The following EXOC2 variants were observed in gnomAD, a reference collection of about 807,000 sequenced individuals.
EXOC2 encodes exocyst complex component 2.
EXOC2 carries 70 observed loss-of-function variants against 131.8 expected under a neutral mutation model. The ratio of observed to expected loss-of-function variants is 0.53; its 90% CI spans 0.44 to 0.65. The LOEUF (loss-of-function observed/expected upper bound fraction) is 0.65, where lower values mean the gene tolerates loss of function less well. EXOC2 is among the 30% of genes least tolerant of loss of function. The pLI is 0.00. For synonymous variants in EXOC2, 411 were observed against 398.4 expected (o/e 1.03, Z -0.38); for missense variants, 923 against 1,108.6 (o/e 0.83, Z 2.38).
chr6:625,929 G>A (rs1045732314), intron 4 of EXOC2, among the ~76,000 whole-genome samples: 55 of 152,134 alleles, frequency 3.6e-4, no homozygotes, highest in African/African-American at 1.2e-3. Flanking sequence ...TATACAGACC[G>A]TCTCCTACAC....
At chr6:501,564 TTA>T (rs67427287) in intron 23 of EXOC2, among the ~76,000 whole-genome samples, 2 of 10 alleles carry the variant, frequency 0.2, 1 homozygote, top group Non-Finnish European at 1. Flanking sequence ...TCTATATATA[TTA>T]TATATATCTA....
At chr6:575,311 G>A (rs564227509) in intron 12 of EXOC2, among the ~76,000 whole-genome samples, 15 of 152,224 alleles carry the variant, frequency 9.9e-5, no homozygotes, top group Non-Finnish European at 1.5e-4. Flanking sequence ...CTTATATTTT[G>A]TTTTCACACT....
At chr6:648,453 T>A (rs1218430633) in intron 1 of EXOC2, among the ~76,000 whole-genome samples, 3 of 152,204 alleles carry the variant, frequency 2.0e-5, no homozygotes, top group African/African-American at 7.2e-5. Context: ...TCTACAGTTG[T>A]CATTGTCTAC....
chr6:609,395 G>A (rs1044207521), intron 7 of EXOC2, among the ~76,000 whole-genome samples: 2 of 152,188 alleles, frequency 1.3e-5, no homozygotes, highest in African/African-American at 4.8e-5. Context: ...GTAAACTATA[G>A]TTGTGAAAAG....
Position 486,317 on chromosome 6 carries a change from A to C in EXOC2, c.*354T>G. 1 of 198,116 alleles carries C rather than the reference A, an allele frequency of 5.0e-6. No homozygotes were observed. The highest frequency in any genetic ancestry group is 1.0e-5 in the Non-Finnish European group (1 of 97,610). 12.3% of individuals were successfully genotyped at this position (198,116 alleles called of 1,614,324 possible). A position where few individuals can be genotyped will look rare whatever the true frequency, so the allele number is the denominator to read the frequency against. On this transcript the variant is annotated 3_prime_UTR_variant, in exon 28 of 28. Transcript: ENST00000230449. ...GTGGGAGCTGCCTGCGCTTCCGTGA[A>C]CGGGACACTGAGAAATGCTTCAATA...
intron 7 of EXOC2, among the ~76,000 whole-genome samples, chr6:607,897 ACT>A (rs1351047927): frequency 1.3e-5 from 2 of 152,196 alleles, no homozygotes; most frequent in South Asian, 4.1e-4. Context: ...AAACTGATAA[ACT>A]CTGAATAAAT....
At chr6:655,842 T>TC (rs548985210) in intron 1 of EXOC2, 362 of 316,306 alleles carry the variant, frequency 1.1e-3, no homozygotes, top group Admixed American at 3.1e-3. Flanking sequence ...ACCCTGTTTT[T>TC]CCCCCCCGAA....
At chr6:604,719 G>C (rs998745299) in intron 7 of EXOC2, among the ~76,000 whole-genome samples, 2 of 147,204 alleles carry the variant, frequency 1.4e-5, no homozygotes, top group African/African-American at 2.6e-5. Flanking sequence ...CGCTGGCCCT[G>C]CGGGGACACA....
chr6:588,647 C>T (rs1379661319), intron 11 of EXOC2, among the ~76,000 whole-genome samples: 2 of 152,246 alleles, frequency 1.3e-5, no homozygotes, highest in Non-Finnish European at 2.9e-5. Flanking sequence ...GCCACCGCAC[C>T]GGCCCTTCAC....
chr6:491,022 T>C (rs1411778719), intron 26 of EXOC2, 103 bp downstream of exon 26: 4 of 1,178,766 alleles, frequency 3.4e-6, no homozygotes, highest in South Asian at 1.3e-5. Flanking sequence ...CACAAATTCA[T>C]GAGCATGTGC....
rs1387226212 is a variant in EXOC2, at chr6:549,259, G to A, written c.2154C>T (p.Cys718=). ...EQRLLIVLSN[C]CYLERHTFLN... ...GGAAGGTGTGACGTTCTAGATAGCA[G>A]CAATTACTTAGGACTATCAAAAGGC... The change falls in exon 22 of 28, where the codon TGC becomes TGT. Residue 718 remains cysteine, a synonymous_variant. Transcript: ENST00000230449. 1 of 1,614,026 alleles carries A rather than the reference G, an allele frequency of 6.2e-7. No individual in the cohort carries two copies. Among genetic ancestry groups the A allele is most frequent in the Non-Finnish European group, 8.5e-7 (1 of 1,179,994 alleles).
intron 22 of EXOC2, among the ~76,000 whole-genome samples, chr6:545,366 C>T (rs1400411397): frequency 8.5e-5 from 13 of 152,082 alleles, no homozygotes; most frequent in African/African-American, 2.7e-4. Context: ...TAAAATTATA[C>T]GCTGAAGTTT....
intron 4 of EXOC2, among the ~76,000 whole-genome samples, chr6:621,516 C>A (rs181652254): frequency 6.6e-6 from 1 of 152,344 alleles, no homozygotes. Flanking sequence ...CAGGACAGGG[C>A]GTCCCATTCA....
chr6:561,875 C>G (rs1163930278), intron 17 of EXOC2, among the ~76,000 whole-genome samples: 1 of 152,222 alleles, frequency 6.6e-6, no homozygotes, highest in African/African-American at 2.4e-5. Context: ...AGCCACCGCA[C>G]CCAGCCTATC....
chr6:562,362 A>C (rs1757744627), intron 17 of EXOC2, among the ~76,000 whole-genome samples: 2 of 152,206 alleles, frequency 1.3e-5, no homozygotes, highest in Admixed American at 1.3e-4. Flanking sequence ...AACAGGTCAC[A>C]GTTGGCTGCC....
chr6:487,468 G>A lies in EXOC2; in HGVS notation c.2682-704C>T, dbSNP rs112126103. 5.5e-3 allele frequency among the ~76,000 whole-genome samples: 836 copies of A among 152,032 alleles called. 10 individuals are homozygous for A. The highest frequency in any genetic ancestry group is 0.019 in the African/African-American group (786 of 41,474). ...GTCGCCCAGGCTGGAGTGCAGTGGCGCGATTTCGGCTCACTGCAACCTCCA... is the reference window on the plus strand; with the variant it reads ...GTCGCCCAGGCTGGAGTGCAGTGGCACGATTTCGGCTCACTGCAACCTCCA... On this transcript the variant is annotated intron_variant, in intron 27 of 27. Transcript: ENST00000230449.
At chr6:557,553 G>A (rs1403815389) in intron 17 of EXOC2, among the ~76,000 whole-genome samples, 4 of 150,816 alleles carry the variant, frequency 2.7e-5, no homozygotes, top group Admixed American at 6.6e-5. Context: ...AGGAGGCGGA[G>A]GTTGCAGTGA....
At chr6:578,375 T>A (rs929183073) in intron 11 of EXOC2, among the ~76,000 whole-genome samples, 1 of 152,168 alleles carries the variant, frequency 6.6e-6, no homozygotes, top group Admixed American at 6.5e-5. Context: ...AAGGCCCTGC[T>A]CTCAAGATGT....
At chr6:619,399 C>G (rs561719514) in intron 5 of EXOC2, 31 bp downstream of exon 5, 2 of 1,546,884 alleles carry the variant, frequency 1.3e-6, no homozygotes, top group African/African-American at 1.4e-5. Flanking sequence ...GAGTGAAACC[C>G]TTCACAGTTG....
Sources: gnomAD v4.1 joint callset for allele counts (sites outside exome capture counted in the v4.1 genomes callset) on GRCh38, gnomAD v4.1.1 for gene constraint, MANE v1.5 for transcripts, NCBI Gene and HGNC (gene_info 2026-07-23, HGNC 2026-07-21) for gene names.